The following SEZ6L variants were observed in gnomAD, a reference collection of about 807,000 sequenced individuals.
SEZ6L encodes the protein seizure related 6 homolog like, also known as seizure 6-like protein.
A neutral mutation model predicts 106.2 loss-of-function variants in SEZ6L; 37 were observed. The ratio of observed to expected loss-of-function variants is 0.35; its 90% CI spans 0.27 to 0.46. The LOEUF is 0.46. Among genes scored for constraint, SEZ6L ranks in the 20% least tolerant of loss-of-function variants. The pLI, the probability that SEZ6L is intolerant of heterozygous loss-of-function variation, is 1.00. For synonymous variants in SEZ6L, 541 were observed against 570.4 expected (o/e 0.95, Z 0.73); for missense variants, 1,172 against 1,332.8 (o/e 0.88, Z 1.88).
chr22:26,227,128 C>T (rs1384573175), intron 1 of SEZ6L, among the ~76,000 whole-genome samples: 2 of 152,202 alleles, frequency 1.3e-5, no homozygotes, highest in Non-Finnish European at 2.9e-5. Context: ...CAGTGTCTGG[C>T]ACATAGTAGT....
chr22:26,252,564 C>G (rs1324414961), intron 1 of SEZ6L, among the ~76,000 whole-genome samples: 1 of 152,112 alleles, frequency 6.6e-6, no homozygotes, highest in East Asian at 1.9e-4. Flanking sequence ...TCAGTCTTGT[C>G]CCCCTCCCTC....
intron 9 of SEZ6L, among the ~76,000 whole-genome samples, chr22:26,329,641 A>G (rs1403844355): frequency 6.6e-6 from 1 of 152,200 alleles, no homozygotes; most frequent in Non-Finnish European, 1.5e-5. Flanking sequence ...ACTGGGCCAA[A>G]GGCCCCTCGA....
intron 9 of SEZ6L, among the ~76,000 whole-genome samples, chr22:26,320,584 G>A (rs2082127034): frequency 6.6e-6 from 1 of 152,210 alleles, no homozygotes; most frequent in Admixed American, 6.5e-5. Context: ...AGGCATTGAG[G>A]CTGGGCCCTG....
intron 1 of SEZ6L, among the ~76,000 whole-genome samples, chr22:26,261,120 ATTATGG>A (rs2079992082): frequency 6.6e-6 from 1 of 152,036 alleles, no homozygotes; most frequent in Admixed American, 6.5e-5. Flanking sequence ...TTCATTGTAG[ATTATGG>A]ATATTAGTCC....
chr22:26,342,633 T>C (rs1010885845), intron 10 of SEZ6L, among the ~76,000 whole-genome samples: 1 of 152,016 alleles, frequency 6.6e-6, no homozygotes, highest in Non-Finnish European at 1.5e-5. Context: ...GAAGCAGAGG[T>C]TGCAGTGAGC....
At chr22:26,291,780 G>C (rs1156458486) in intron 1 of SEZ6L, among the ~76,000 whole-genome samples, 1 of 152,026 alleles carries the variant, frequency 6.6e-6, no homozygotes, top group Non-Finnish European at 1.5e-5. Flanking sequence ...ACGGGGTTAG[G>C]GCCCGTCCTC....
intron 9 of SEZ6L, among the ~76,000 whole-genome samples, chr22:26,327,078 T>G: frequency 6.6e-6 from 1 of 152,080 alleles, no homozygotes; most frequent in Non-Finnish European, 1.5e-5. Context: ...GGACGCAGAA[T>G]GGCAGGAAGC....
intron 6 of SEZ6L, among the ~76,000 whole-genome samples, chr22:26,307,929 C>T (rs1569456113): frequency 6.6e-6 from 1 of 152,160 alleles, no homozygotes; most frequent in Non-Finnish European, 1.5e-5. Context: ...CTAGTAGTTT[C>T]TCTGGGGTCC....
In SEZ6L at chr22:26,381,187, G is replaced by C. The variant is rs547803589; in HGVS notation, c.*892G>C. On this transcript the variant is annotated 3_prime_UTR_variant, in exon 17 of 17. Coordinates refer to ENST00000248933, the MANE Select transcript of SEZ6L (RefSeq NM_021115.5). Reference sequence around the variant, plus strand: ...TGGTAATAAACACACAGGCTTGGGAGGCACCAGCGGCCCCACTCATACAGT... The same window carrying C: ...TGGTAATAAACACACAGGCTTGGGACGCACCAGCGGCCCCACTCATACAGT... 2 of 152,272 alleles carry C rather than the reference G, an allele frequency of 1.3e-5. No individual in the cohort carries two copies. The highest frequency in any genetic ancestry group is 1.3e-4 in the Admixed American group (2 of 15,282). 9.4% of individuals were successfully genotyped at this position (152,272 alleles called of 1,614,324 possible).
chr22:26,372,017 G>A lies in SEZ6L; in HGVS notation c.2795-1434G>A, dbSNP rs140726365. ...CACCTGACTGGGACTTGGGGACCCCGGGCTCCAGTCCAGTTCTGCTGTGGA... is the reference window on the plus strand; with the variant it reads ...CACCTGACTGGGACTTGGGGACCCCAGGCTCCAGTCCAGTTCTGCTGTGGA... On this transcript the variant is annotated intron_variant, in intron 13 of 16. Transcript: ENST00000248933. Among the ~76,000 whole-genome samples, 269 of 152,318 alleles carry A rather than the reference G, an allele frequency of 1.8e-3. 1 individual carries two copies. The highest frequency in any genetic ancestry group is 3.4e-3 in the Middle Eastern group (1 of 294).
chr22:26,348,024 C>A, intron 11 of SEZ6L, 111 bp downstream of exon 11: 1 of 782,820 alleles, frequency 1.3e-6, no homozygotes, highest in South Asian at 2.2e-5. Context: ...TGGACTCCCC[C>A]TCCACCACCA....
Position 26,301,791 on chromosome 22 carries a change from G to A in SEZ6L, c.1348+2622G>A, listed in dbSNP as rs529991580. Among the ~76,000 whole-genome samples, 3 of 152,286 alleles carry A rather than the reference G, an allele frequency of 2.0e-5. No homozygotes were observed. In the South Asian group the frequency reaches 6.2e-4, roughly 32 times the overall value. On this transcript the variant is annotated intron_variant, in intron 5 of 16. Coordinates refer to ENST00000248933, the MANE Select transcript of SEZ6L (RefSeq NM_021115.5). The stretch of plus-strand genomic sequence containing the variant: ...CACTAGCACATGCTAAGGTTCAGAG[G>A]TCAGAAGGAACTCGATGAGTTTGAG...
At chr22:26,358,707 C>T (rs575862034) in intron 12 of SEZ6L, among the ~76,000 whole-genome samples, 1 of 152,240 alleles carries the variant, frequency 6.6e-6, no homozygotes, top group African/African-American at 2.4e-5. Context: ...AGTTGCAACC[C>T]GAATTGTTTA....
At position 26,175,934 on chromosome 22, in the gene SEZ6L, A is replaced by G. The variant is rs139910463; in HGVS notation, c.94+6171A>G. Among the ~76,000 whole-genome samples, 3 of 152,224 alleles carry G rather than the reference A, an allele frequency of 2.0e-5. No individual in the cohort carries two copies. In the South Asian group the frequency reaches 6.2e-4, roughly 31 times the overall value. The stretch of plus-strand genomic sequence containing the variant: ...GATGCTTTGCACATACCAAGAAATC[A>G]GTCCTTGAGGAAGTAAGTGCTGGCA... On this transcript the variant is annotated intron_variant, in intron 1 of 16. Transcript: ENST00000248933.
intron 1 of SEZ6L, among the ~76,000 whole-genome samples, chr22:26,275,343 T>A (rs549059294): frequency 1.3e-5 from 2 of 152,350 alleles, no homozygotes; most frequent in South Asian, 4.1e-4. Flanking sequence ...TATGTAAGTG[T>A]TCTGAGTATG....
intron 13 of SEZ6L, among the ~76,000 whole-genome samples, chr22:26,366,038 A>G (rs1399189072): frequency 6.6e-6 from 1 of 152,142 alleles, no homozygotes; most frequent in Non-Finnish European, 1.5e-5. Context: ...TTTACTTACT[A>G]AAGGAGCTTT....
chr22:26,377,334 G>C (rs188528698), intron 15 of SEZ6L, among the ~76,000 whole-genome samples: 19 of 152,180 alleles, frequency 1.2e-4, no homozygotes, highest in Admixed American at 1.0e-3. Context: ...CATACAGTAG[G>C]TGCTCAATAA....
chr22:26,356,547 C>T (rs1035593821), intron 12 of SEZ6L, among the ~76,000 whole-genome samples: 3 of 151,676 alleles, frequency 2.0e-5, no homozygotes, highest in Admixed American at 1.3e-4. Context: ...GAGGCTGAGG[C>T]GGGAGAATCG....
At chr22:26,369,480 A>G (rs1239507211) in intron 13 of SEZ6L, among the ~76,000 whole-genome samples, 6 of 151,388 alleles carry the variant, frequency 4.0e-5, no homozygotes, top group African/African-American at 1.5e-4. Flanking sequence ...AGCTGGGACT[A>G]CAGGCGCCCG....
Sources: gnomAD v4.1 joint callset for allele counts (sites outside exome capture counted in the v4.1 genomes callset) on GRCh38, gnomAD v4.1.1 for gene constraint, MANE v1.5 for transcripts, NCBI Gene and HGNC (gene_info 2026-07-23, HGNC 2026-07-21) for gene names.